The following TMCC1 variants were observed in gnomAD, a reference collection of about 807,000 sequenced individuals.
TMCC1 encodes transmembrane and coiled-coil domain family 1, also known as transmembrane and coiled-coil domains protein 1.
In TMCC1, 15 loss-of-function variants were observed where a neutral mutation model predicts 52.4. That is an observed-to-expected ratio of 0.29 (90% CI 0.19 to 0.44). The LOEUF is 0.44. Ranked by LOEUF, TMCC1 falls within the 20% of genes least tolerant of loss-of-function variation. The pLI is 1.00. For missense variants in TMCC1, 503 were observed against 806.0 expected (o/e 0.62, Z 4.55); for synonymous variants, 279 against 301.9 (o/e 0.92, Z 0.79).
At chr3:129,771,600 C>A (rs918188200) in intron 4 of TMCC1, among the ~76,000 whole-genome samples, 23 of 151,386 alleles carry the variant, frequency 1.5e-4, no homozygotes, top group African/African-American at 5.6e-4. Context: ...CATGGTGAGA[C>A]CCTGTCTCTA....
chr3:129,695,142 A>AT (rs1553827619), intron 4 of TMCC1, among the ~76,000 whole-genome samples: 1 of 139,020 alleles, frequency 7.2e-6, no homozygotes, highest in Admixed American at 7.8e-5. Flanking sequence ...ATTAATAATA[A>AT]CCTTTGAAAA....
intron 4 of TMCC1, among the ~76,000 whole-genome samples, chr3:129,695,955 T>C (rs2047388564): frequency 6.6e-6 from 1 of 152,204 alleles, no homozygotes; most frequent in Admixed American, 6.5e-5. Context: ...CATAACGTTA[T>C]GTGACAAAGA....
At chr3:129,727,380 A>G (rs1365906750) in intron 4 of TMCC1, among the ~76,000 whole-genome samples, 1 of 152,176 alleles carries the variant, frequency 6.6e-6, no homozygotes, top group Non-Finnish European at 1.5e-5. Context: ...CTTACTGAGG[A>G]TCAATAAATG....
At chr3:129,754,658 A>G (rs2052832132) in intron 4 of TMCC1, among the ~76,000 whole-genome samples, 2 of 152,248 alleles carry the variant, frequency 1.3e-5, no homozygotes, top group Non-Finnish European at 2.9e-5. Flanking sequence ...TTGTATGTCA[A>G]TATGTATCCC....
intron 4 of TMCC1, among the ~76,000 whole-genome samples, chr3:129,724,009 G>C (rs1055923007): frequency 1.3e-5 from 2 of 151,708 alleles, no homozygotes; most frequent in Non-Finnish European, 2.9e-5. Context: ...GAGAGGAGGA[G>C]GAGGAATATG....
chr3:129,739,084 T>C (rs1219127080), intron 4 of TMCC1, among the ~76,000 whole-genome samples: 1 of 152,200 alleles, frequency 6.6e-6, no homozygotes, highest in Non-Finnish European at 1.5e-5. Context: ...CCCAAACTGC[T>C]GGGATTAAAG....
intron 4 of TMCC1, among the ~76,000 whole-genome samples, chr3:129,756,588 C>CG (rs961858890): frequency 2.2e-4 from 33 of 152,080 alleles, no homozygotes; most frequent in African/African-American, 8.0e-4. Flanking sequence ...TTAGTAGAGA[C>CG]GGGGTTTCAC....
chr3:129,835,345 A>T (rs1560515136), intron 2 of TMCC1, among the ~76,000 whole-genome samples: 2 of 151,762 alleles, frequency 1.3e-5, no homozygotes. Flanking sequence ...ATATATATAT[A>T]TTTTAATGAC....
intron 4 of TMCC1, among the ~76,000 whole-genome samples, chr3:129,674,758 C>T (rs1441307168): frequency 2.0e-5 from 3 of 152,218 alleles, no homozygotes; most frequent in African/African-American, 7.2e-5. Context: ...GTTTTGAAGG[C>T]ACCAACTGAA....
intron 4 of TMCC1, among the ~76,000 whole-genome samples, chr3:129,679,353 T>G (rs1344601005): frequency 6.6e-6 from 1 of 152,352 alleles, no homozygotes; most frequent in East Asian, 1.9e-4. Flanking sequence ...TCATCCAGGC[T>G]GGAGTGCAGT....
chr3:129,684,889 T>TA (rs2089290983), intron 4 of TMCC1, among the ~76,000 whole-genome samples: 1 of 152,192 alleles, frequency 6.6e-6, no homozygotes, highest in African/African-American at 2.4e-5. Context: ...GGCTTTACAA[T>TA]TTAATTCATT....
At chr3:129,778,782 G>A (rs369180237) in intron 4 of TMCC1, among the ~76,000 whole-genome samples, 12 of 151,854 alleles carry the variant, frequency 7.9e-5, no homozygotes, top group East Asian at 7.7e-4. Flanking sequence ...TCTCCTTCCT[G>A]CCATCATGTG....
chr3:129,737,644 A>G (rs898120459), intron 4 of TMCC1, among the ~76,000 whole-genome samples: 3 of 152,074 alleles, frequency 2.0e-5, no homozygotes, highest in Non-Finnish European at 4.4e-5. Flanking sequence ...GTGAGAAATA[A>G]ATTTCTGTTG....
At chr3:129,855,809 ATAG>A (rs1259123718) in intron 2 of TMCC1, among the ~76,000 whole-genome samples, 2 of 152,242 alleles carry the variant, frequency 1.3e-5, no homozygotes, top group African/African-American at 4.8e-5. Flanking sequence ...AGTCATAAAA[ATAG>A]TAGATATTAT....
chr3:129,821,737 C>T (rs775612674), intron 4 of TMCC1, among the ~76,000 whole-genome samples: 2 of 152,106 alleles, frequency 1.3e-5, no homozygotes, highest in Non-Finnish European at 2.9e-5. Flanking sequence ...GAAATAACTC[C>T]ATGAAGACTA....
At chr3:129,759,743 A>G (rs1349855181) in intron 4 of TMCC1, among the ~76,000 whole-genome samples, 3 of 78,708 alleles carry the variant, frequency 3.8e-5, no homozygotes, top group Admixed American at 4.0e-4. Flanking sequence ...TTTTTTTGAG[A>G]CGGAGTGTCG....
chr3:129,884,354 A>G lies in TMCC1; in HGVS notation c.-434-3795T>C, dbSNP rs145774665. Among the ~76,000 whole-genome samples the G allele has an allele frequency of 3.4e-3, 523 of 152,262 alleles. 5 individuals carry two copies. Among genetic ancestry groups the G allele is most frequent in the African/African-American group, 0.011 (476 of 41,558 alleles). On this transcript the variant is annotated intron_variant, in intron 1 of 6. Transcript: ENST00000393238. ...AATATCAAGAATTTTCAGGCTGGGC[A>G]TGGTGGCTCACACCTGTAATCCCAG...
chr3:129,721,934 T>C (rs2049642632), intron 4 of TMCC1, among the ~76,000 whole-genome samples: 1 of 152,208 alleles, frequency 6.6e-6, no homozygotes, highest in African/African-American at 2.4e-5. Flanking sequence ...AGGTCATATA[T>C]GAAACCCTAT....
At chr3:129,844,185 A>G (rs1031231558) in intron 2 of TMCC1, among the ~76,000 whole-genome samples, 14 of 152,212 alleles carry the variant, frequency 9.2e-5, no homozygotes, top group African/African-American at 3.4e-4. Flanking sequence ...TTTACGATAA[A>G]TACTCCCAAC....
Sources: gnomAD v4.1 joint callset for allele counts (sites outside exome capture counted in the v4.1 genomes callset) on GRCh38, gnomAD v4.1.1 for gene constraint, MANE v1.5 for transcripts, NCBI Gene and HGNC (gene_info 2026-07-23, HGNC 2026-07-21) for gene names.